NPHP4: variants seen among roughly 807,000 people sequenced by gnomAD.
NPHP4 encodes nephrocystin 4.
In NPHP4, 151 loss-of-function variants were observed where a neutral mutation model predicts 155.8. The ratio of observed to expected loss-of-function variants is 0.97; its 90% CI spans 0.85 to 1.11. NPHP4 has a LOEUF of 1.11. NPHP4 is among the 50% of genes least tolerant of loss of function. NPHP4 has a pLI of 0.00. For synonymous variants in NPHP4, 845 were observed against 816.8 expected, an observed-to-expected ratio of 1.03 and a Z score of -0.59; for missense variants, 1,956 against 1,925.7, an observed-to-expected ratio of 1.02 and a Z score of -0.29.
chr1:5,934,757 G>C (rs550643342), intron 9 of NPHP4, among the ~76,000 whole-genome samples: 2 of 152,306 alleles, frequency 1.3e-5, no homozygotes, highest in South Asian at 4.1e-4. Flanking sequence ...CCCACTCTTG[G>C]TGACGAATGG....
At chr1:5,901,727 CT>C (rs150091368) in intron 16 of NPHP4, among the ~76,000 whole-genome samples, 3,190 of 152,252 alleles carry the variant, frequency 0.021, 83 homozygotes, top group African/African-American at 0.07. Context: ...GATAAAATGA[CT>C]GGATGGAATT....
intron 5 of NPHP4, among the ~76,000 whole-genome samples, chr1:5,962,788 C>G (rs549038341): frequency 6.6e-6 from 1 of 152,232 alleles, no homozygotes; most frequent in African/African-American, 2.4e-5. Context: ...GCGGCTACAC[C>G]GCAGGGCGGG....
intron 7 of NPHP4, among the ~76,000 whole-genome samples, chr1:5,949,678 G>A (rs1198611564): frequency 1.3e-5 from 2 of 152,012 alleles, no homozygotes; most frequent in Admixed American, 6.6e-5. Context: ...CCTGAAGCCT[G>A]AGGGGAAACA....
intron 20 of NPHP4, chr1:5,876,077 T>C (rs1642569591): frequency 6.6e-6 from 1 of 152,306 alleles, no homozygotes; most frequent in Non-Finnish European, 1.5e-5. Context: ...TGACAGGCTG[T>C]GCTGGACGAT....
At chr1:5,921,822 A>G (rs1557740891) in intron 11 of NPHP4, among the ~76,000 whole-genome samples, 1 of 152,214 alleles carries the variant, frequency 6.6e-6, no homozygotes, top group Non-Finnish European at 1.5e-5. Flanking sequence ...ATTATTGTAC[A>G]TGACATGAAG....
Position 5,887,615 on chromosome 1 carries a change from G to C in NPHP4, c.2305-149C>G, listed in dbSNP as rs1643891651. ...CAGGATAAGACCCTGCACCACGCTG[G>C]GGGGTGAGGGGGCGGCGAGCCAGGC... On this transcript the variant is annotated intron_variant, in intron 17 of 29. Coordinates refer to ENST00000378156, the MANE Select transcript of NPHP4 (RefSeq NM_015102.5). 1.5e-5 allele frequency: 11 copies of C among 758,238 alleles called. No homozygotes were observed. The South Asian group carries it at 1.9e-4, about 13-fold the overall frequency. 47.0% of individuals were successfully genotyped at this position (758,238 alleles called of 1,614,324 possible). A position where few individuals can be genotyped will look rare whatever the true frequency, so the allele number is the denominator to read the frequency against.
intron 23 of NPHP4, among the ~76,000 whole-genome samples, chr1:5,869,357 CACAT>C (rs534562614): frequency 1.8e-4 from 27 of 151,308 alleles, no homozygotes; most frequent in South Asian, 1.0e-3. Context: ...CGCACACACA[CACAT>C]GCATGCACAC....
chr1:5,969,094 C>G lies in NPHP4; in HGVS notation c.445G>C (p.Asp149His). Residue 149 changes from aspartate (D) to histidine (H), a missense_variant, in exon 4 of 30, where the codon GAC becomes CAC. Coordinates refer to ENST00000378156, the MANE Select transcript of NPHP4 (RefSeq NM_015102.5). The stretch of plus-strand genomic sequence containing the variant: ...TAGAAACAAGGCAGGTACCTTTTGT[C>G]CTGGGAAGCAGAGATAGGAGAGTCC... ...QPDSPISASQ[D>H]KRLRLYHGTP... The G allele has an allele frequency of 6.5e-7, 1 of 1,549,248 alleles. No homozygotes were observed. Among genetic ancestry groups the G allele is most frequent in the Non-Finnish European group, 8.7e-7 (1 of 1,145,128 alleles).
chr1:5,917,821 G>A (rs1048784860), intron 11 of NPHP4, among the ~76,000 whole-genome samples: 18 of 152,098 alleles, frequency 1.2e-4, no homozygotes, highest in Non-Finnish European at 1.8e-4. Context: ...GGGAGGCCAC[G>A]TGGCTACTTC....
At chr1:5,871,563 G>A (rs1012847661) in intron 23 of NPHP4, among the ~76,000 whole-genome samples, 8 of 152,210 alleles carry the variant, frequency 5.3e-5, no homozygotes, top group Admixed American at 6.5e-5. Context: ...AAGAATGACA[G>A]GACTGCAATT....
At chr1:5,887,692 C>G (rs115163510) in intron 17 of NPHP4, among the ~76,000 whole-genome samples, 4,204 of 152,284 alleles carry the variant, frequency 0.028, 74 homozygotes, top group Non-Finnish European at 0.043. Context: ...TTCACAAAGT[C>G]TTAAGTAAAG....
In NPHP4 at chr1:5,955,886, T is replaced by A. The variant is rs550341513; in HGVS notation, c.674-3050A>T. Among the ~76,000 whole-genome samples, 18 of 152,272 alleles carry A rather than the reference T, an allele frequency of 1.2e-4. No individual in the cohort carries two copies. The South Asian group carries it at 3.7e-3, about 32-fold the overall frequency. On this transcript the variant is annotated intron_variant, in intron 6 of 29. Coordinates refer to ENST00000378156, the MANE Select transcript of NPHP4 (RefSeq NM_015102.5). ...TAGAAGAGCAGCTAGAAGAGCGGCT[T>A]CTGAATGTCCTGACCACACAGAAAT...
At chr1:5,950,232 G>T (rs546114459) in intron 7 of NPHP4, among the ~76,000 whole-genome samples, 1 of 152,314 alleles carries the variant, frequency 6.6e-6, no homozygotes, top group East Asian at 1.9e-4. Flanking sequence ...CTTCCTCAGA[G>T]AATTTCCTTC....
In NPHP4 at chr1:5,867,571, G is replaced by A; in HGVS notation, c.3472+169C>T. 1.4e-6 allele frequency: 1 copy of A among 695,094 alleles called. No homozygotes were observed. The highest frequency in any genetic ancestry group is 2.4e-6 in the Non-Finnish European group (1 of 422,906). The allele number at this position is 695,094 out of a possible 1,614,324, so 43.1% of individuals were successfully genotyped here. The stretch of plus-strand genomic sequence containing the variant: ...TAGTCATCTCAGAGGTGGCAAGAGG[G>A]ACACCGTTTCAAACCATAAAGGCAG... On this transcript the variant is annotated intron_variant, in intron 24 of 29. Coordinates refer to ENST00000378156, the MANE Select transcript of NPHP4 (RefSeq NM_015102.5). The surrounding 1 kb of genome is among the most constrained non-coding windows in gnomAD (Gnocchi z 4.1).
At chr1:5,907,311 C>T (rs922561572) in intron 12 of NPHP4, 89 bp from the exon 13 acceptor site, 17 of 799,364 alleles carry the variant, frequency 2.1e-5, no homozygotes, top group East Asian at 6.0e-5. Flanking sequence ...CACCGGGGAA[C>T]GGGGTAGCCC....
intron 10 of NPHP4, among the ~76,000 whole-genome samples, chr1:5,931,682 T>C (rs1161721879): frequency 7.4e-6 from 1 of 135,292 alleles, no homozygotes; most frequent in Admixed American, 8.9e-5. Context: ...TGCAGTGAGC[T>C]GAGACTGCGC....
At chr1:5,964,865 T>C (rs967744290) in intron 5 of NPHP4, among the ~76,000 whole-genome samples, 1 of 144,788 alleles carries the variant, frequency 6.9e-6, no homozygotes, top group South Asian at 2.1e-4. Context: ...ATTTTATATA[T>C]ATATAACACA....
At chr1:5,877,030 A>AC in intron 20 of NPHP4, 63 bp downstream of exon 20, 1 of 1,079,536 alleles carries the variant, frequency 9.3e-7, no homozygotes. Context: ...CAGGGAAAGG[A>AC]TGTGCACAGT....
Position 5,910,406 on chromosome 1 carries a change from G to C in NPHP4, c.1442-1193C>G, listed in dbSNP as rs1380239303. ...GAAATCAGGCTTCCCCCATGGCCCT[G>C]TCCCACCTCCCGTCACCCCCATGTG... is the stretch of plus-strand genomic sequence containing the variant. On this transcript the variant is annotated intron_variant, in intron 11 of 29. Transcript: ENST00000378156. The surrounding 1 kb of genome is among the most constrained non-coding windows in gnomAD (Gnocchi z 5.4). Among the ~76,000 whole-genome samples the C allele has an allele frequency of 1.3e-5, 2 of 152,082 alleles. No individual in the cohort carries two copies. The highest frequency in any genetic ancestry group is 1.5e-5 in the Non-Finnish European group (1 of 68,002).
Sources: allele counts gnomAD v4.1 joint callset (sites outside exome capture counted in the v4.1 genomes callset), GRCh38; gene constraint gnomAD v4.1.1; non-coding constraint Gnocchi (gnomAD v3.1); transcripts MANE v1.5; gene names NCBI Gene and HGNC (gene_info 2026-07-23, HGNC 2026-07-21).